Variants in HTT observed in about 807,000 individuals in gnomAD.
HTT encodes the protein huntingtin, also known as huntington disease protein.
In HTT, 104 loss-of-function variants were observed where a neutral mutation model predicts 362.3. That is an observed-to-expected ratio of 0.29 (90% CI 0.24 to 0.34). The LOEUF (loss-of-function observed/expected upper bound fraction) is 0.34, where lower values mean the gene tolerates loss of function less well. HTT is among the 10% of genes least tolerant of loss of function. HTT has a pLI of 1.00. For synonymous variants in HTT, 1,577 were observed against 1,548.7 expected (o/e 1.02, Z -0.43); for missense variants, 3,301 against 3,928.6 (o/e 0.84, Z 4.27).
chr4:3,235,214 G>A (rs887414623), intron 61 of HTT, 70 bp from the exon 62 acceptor site: 27 of 1,110,966 alleles, frequency 2.4e-5, no homozygotes, highest in Non-Finnish European at 3.0e-5. Context: ...GCGTGGGGCC[G>A]GACATGCTGT....
chr4:3,214,897 T>C (rs1486912958), intron 50 of HTT, among the ~76,000 whole-genome samples: 1 of 152,198 alleles, frequency 6.6e-6, no homozygotes, highest in African/African-American at 2.4e-5. Context: ...CTGAATGAAA[T>C]CTGAAGTTCA....
intron 3 of HTT, 36 bp downstream of exon 3, chr4:3,099,430 A>G (rs1245885889): frequency 8.1e-6 from 13 of 1,611,346 alleles, no homozygotes; most frequent in Non-Finnish European, 1.1e-5. Flanking sequence ...CCTCAGAGCT[A>G]TCATTGTTGT....
intron 29 of HTT, among the ~76,000 whole-genome samples, chr4:3,160,667 G>T (rs199543269): frequency 1.3e-5 from 2 of 152,246 alleles, no homozygotes; most frequent in East Asian, 3.9e-4. Context: ...AAATGTGTTT[G>T]TAGAGTCCTT....
intron 45 of HTT, 55 bp from the exon 46 acceptor site, chr4:3,208,718 C>CT: frequency 6.9e-6 from 8 of 1,154,290 alleles, no homozygotes; most frequent in Middle Eastern, 2.1e-4. Flanking sequence ...TAGACTAAGA[C>CT]TAAAAAAAAA....
Position 3,180,627 on chromosome 4 carries a change from A to T in HTT, c.4725A>T (p.Leu1575Phe), listed in dbSNP as rs1718468581. The change falls in exon 36 of 67, where the codon TTA becomes TTT. Residue 1575 changes from leucine to phenylalanine, a missense_variant. Coordinates refer to ENST00000355072, the MANE Select transcript of HTT (RefSeq NM_001388492.1). ...AAAAAGAGGTGGTGGTGTCAATGTT[A>T]CTGAGACTCATCCAGTACCATCAGG... ...ETQKEVVVSM[L>F]LRLIQYHQVL... The T allele has an allele frequency of 6.2e-7, 1 of 1,613,530 alleles. No individual in the cohort carries two copies. The highest frequency in any genetic ancestry group is 1.7e-5 in the Admixed American group (1 of 59,944).
At chr4:3,209,401 A>G (rs1193650665) in intron 46 of HTT, among the ~76,000 whole-genome samples, 1 of 152,170 alleles carries the variant, frequency 6.6e-6, no homozygotes. Flanking sequence ...GCTTATGAAT[A>G]TGAATTTAGA....
chr4:3,213,880 T>C, intron 49 of HTT, 78 bp from the exon 50 acceptor site: 1 of 1,361,106 alleles, frequency 7.3e-7, no homozygotes. Flanking sequence ...TTTGGACGGT[T>C]CCACAACTGT....
chr4:3,074,758 C>T lies in HTT; in HGVS notation c.-68C>T. 2.7e-6 allele frequency: 4 copies of T among 1,470,102 alleles called. No individual in the cohort carries two copies. Among genetic ancestry groups the T allele is most frequent in the South Asian group, 1.2e-5 (1 of 80,118 alleles). The allele number at this position is 1,470,102 out of a possible 1,614,324, so 91.1% of individuals were successfully genotyped here. ...CGGCCCAGAGCCCCATTCATTGCCCCGGTGCTGAGCGGCGCCGCGAGTCGG... is the reference window on the plus strand; with the variant it reads ...CGGCCCAGAGCCCCATTCATTGCCCTGGTGCTGAGCGGCGCCGCGAGTCGG... On this transcript the variant is annotated 5_prime_UTR_variant, in exon 1 of 67. Coordinates refer to ENST00000355072, the MANE Select transcript of HTT (RefSeq NM_001388492.1).
At chr4:3,128,224 T>A (rs1715615572) in intron 12 of HTT, 1 of 152,430 alleles carries the variant, frequency 6.6e-6, no homozygotes. Flanking sequence ...TGAGCCACCA[T>A]GCCCGGCCCT....
chr4:3,197,080 G>C (rs1049653059), intron 40 of HTT, among the ~76,000 whole-genome samples: 1 of 152,148 alleles, frequency 6.6e-6, no homozygotes, highest in Non-Finnish European at 1.5e-5. Flanking sequence ...GCTTGATTCT[G>C]TGGAGCTGCC....
chr4:3,132,505 G>A lies in HTT; in HGVS notation c.2237-57G>A, dbSNP rs919197290. 2.8e-6 allele frequency: 4 copies of A among 1,450,460 alleles called. No individual in the cohort carries two copies. In the African/African-American group the frequency reaches 4.2e-5, roughly 15 times the overall value. The allele number at this position is 1,450,460 out of a possible 1,614,324, so 89.8% of individuals were successfully genotyped here. Reference sequence around the variant, plus strand: ...TTCCTGAGAATTAAGCTTTTGTTTCGAGTTAGAAAGTTGATAGTAGGGAAT... The same window carrying A: ...TTCCTGAGAATTAAGCTTTTGTTTCAAGTTAGAAAGTTGATAGTAGGGAAT... On this transcript the variant is annotated intron_variant, in intron 16 of 66. Transcript: ENST00000355072.
At chr4:3,129,846 A>G (rs363070) in intron 12 of HTT, 78 bp from the exon 13 acceptor site, 90,043 of 1,557,838 alleles carry the variant, frequency 0.058, 3,115 homozygotes, top group African/African-American at 0.14. Flanking sequence ...CTCTTTCCTC[A>G]TTGCACTTCC....
Position 3,123,049 on chromosome 4 carries a change from C to G in HTT, c.1321+113C>G, listed in dbSNP as rs1270482122. The G allele has an allele frequency of 7.0e-6, 5 of 718,826 alleles. No homozygotes were observed. In the East Asian group the frequency reaches 1.4e-4, roughly 20 times the overall value. 44.5% of individuals were successfully genotyped at this position (718,826 alleles called of 1,614,324 possible). A position where few individuals can be genotyped will look rare whatever the true frequency, so the allele number is the denominator to read the frequency against. ...ATACTGTATTGGACTCTGTGTATAT[C>G]TCTTCTCAGATGAGTGATTATATGT... On this transcript the variant is annotated intron_variant, in intron 10 of 66. Transcript: ENST00000355072.
At chr4:3,139,301 G>A (rs925395412) in intron 21 of HTT, among the ~76,000 whole-genome samples, 7 of 152,136 alleles carry the variant, frequency 4.6e-5, no homozygotes, top group African/African-American at 1.7e-4. Context: ...GGGTTCAAGC[G>A]ATTTTCCTGC....
intron 1 of HTT, among the ~76,000 whole-genome samples, chr4:3,075,374 A>G (rs1712465243): frequency 6.6e-6 from 1 of 152,242 alleles, no homozygotes; most frequent in African/African-American, 2.4e-5. Context: ...TCACGGCCTC[A>G]GCCCTCTCGC....
At chr4:3,229,323 A>C (rs1287578176) in intron 59 of HTT, among the ~76,000 whole-genome samples, 7 of 140,858 alleles carry the variant, frequency 5.0e-5, no homozygotes, top group South Asian at 2.3e-4. Context: ...CACACACACC[A>C]CACACACCAC....
intron 35 of HTT, among the ~76,000 whole-genome samples, chr4:3,179,856 CTGTG>C (rs1463580080): frequency 1.4e-5 from 2 of 141,554 alleles, no homozygotes; most frequent in African/African-American, 2.7e-5. Flanking sequence ...GAGTGTGCCT[CTGTG>C]TGTGTGCTCA....
chr4:3,168,376 A>G (rs909779656), intron 29 of HTT, among the ~76,000 whole-genome samples: 1 of 152,200 alleles, frequency 6.6e-6, no homozygotes, highest in African/African-American at 2.4e-5. Context: ...GGCGACGGGT[A>G]TGAGCAGGTT....
At chr4:3,195,960 T>C (rs1225709510) in intron 40 of HTT, among the ~76,000 whole-genome samples, 3 of 152,188 alleles carry the variant, frequency 2.0e-5, no homozygotes, top group Non-Finnish European at 4.4e-5. Context: ...AAAAGGGGAC[T>C]GAGAGACGTC....
Sources: allele counts gnomAD v4.1 joint callset (sites outside exome capture counted in the v4.1 genomes callset), GRCh38; gene constraint gnomAD v4.1.1; transcripts MANE v1.5; gene names NCBI Gene and HGNC (gene_info 2026-07-23, HGNC 2026-07-21).